Variants in TRIP12 observed in about 807,000 individuals in gnomAD.
TRIP12 encodes the protein thyroid hormone receptor interactor 12, also known as E3 ubiquitin-protein ligase TRIP12.
TRIP12 carries 25 observed loss-of-function variants against 244.2 expected under a neutral mutation model. The ratio of observed to expected loss-of-function variants is 0.10; its 90% CI spans 0.07 to 0.14. The LOEUF (loss-of-function observed/expected upper bound fraction) is 0.14. TRIP12 is among the 10% of genes least tolerant of loss of function. TRIP12 has a pLI of 1.00. For synonymous variants in TRIP12, 905 were observed against 873.1 expected (o/e 1.04, Z -0.64); for missense variants, 1,677 against 2,486.4 (o/e 0.67, Z 6.92).
chr2:229,795,431 T>C (rs2042572736), intron 25 of TRIP12, 101 bp from the exon 26 acceptor site: 3 of 1,349,592 alleles, frequency 2.2e-6, no homozygotes, highest in Non-Finnish European at 3.0e-6. Flanking sequence ...AGAGAATAAT[T>C]TGTCTATTCA....
chr2:229,864,033 AGAGAGAGAGAGAGAGTGT>A lies in TRIP12; in HGVS notation c.99-3520_99-3503del, dbSNP rs761386846. 1.6e-3 allele frequency among the ~76,000 whole-genome samples: 189 copies of A among 118,190 alleles called. 1 individual carries two copies. Among genetic ancestry groups the A allele is most frequent in the Middle Eastern group, 4.2e-3 (1 of 238 alleles). 77.5% of individuals were successfully genotyped at this position (118,190 alleles called of 152,430 possible). A position where few individuals can be genotyped will look rare whatever the true frequency, so the allele number is the denominator to read the frequency against. ...GAGAGAGAGAGAGAGAGAGAGAGAGAGAGAGAGAGAGAGAGTGTGTGTGTGTGTGTGTGTGTGTGTGTG... is the reference window on the plus strand; with the variant it reads ...GAGAGAGAGAGAGAGAGAGAGAGAGAGTGTGTGTGTGTGTGTGTGTGTGTG... On this transcript the variant is annotated intron_variant, in intron 2 of 41. Coordinates refer to ENST00000675903, the MANE Select transcript of TRIP12 (RefSeq NM_001348323.3).
chr2:229,819,546 A>AAATT (rs2049451456), intron 8 of TRIP12, among the ~76,000 whole-genome samples: 1 of 152,212 alleles, frequency 6.6e-6, no homozygotes. Context: ...CTTCATCTCA[A>AAATT]AATTAATTAA....
chr2:229,873,092 T>C (rs1234490603), intron 2 of TRIP12, among the ~76,000 whole-genome samples: 2 of 152,174 alleles, frequency 1.3e-5, no homozygotes, highest in Admixed American at 1.3e-4. Context: ...TTAAACCTAC[T>C]TTTTCAATGT....
intron 2 of TRIP12, among the ~76,000 whole-genome samples, chr2:229,879,069 G>A (rs924350831): frequency 6.0e-4 from 91 of 152,000 alleles, no homozygotes; most frequent in African/African-American, 2.0e-3. Flanking sequence ...CTTGGCCACC[G>A]TGGCAAAATC....
At chr2:229,883,229 A>G (rs2065237616) in intron 1 of TRIP12, among the ~76,000 whole-genome samples, 1 of 152,230 alleles carries the variant, frequency 6.6e-6, no homozygotes, top group Non-Finnish European at 1.5e-5. Context: ...GCAGTTCTAC[A>G]CACTTCATAG....
chr2:229,873,187 T>TA (rs2062990485), intron 2 of TRIP12, among the ~76,000 whole-genome samples: 1 of 151,724 alleles, frequency 6.6e-6, no homozygotes, highest in South Asian at 2.1e-4. Context: ...AAAATGGAGA[T>TA]AACGTGACTA....
intron 15 of TRIP12, among the ~76,000 whole-genome samples, chr2:229,808,651 T>A (rs1163441099): frequency 1.3e-5 from 2 of 152,204 alleles, no homozygotes; most frequent in Non-Finnish European, 2.9e-5. Flanking sequence ...CAGGAACCCT[T>A]TATTTCTTTC....
At chr2:229,864,084 G>A (rs533711689) in intron 2 of TRIP12, among the ~76,000 whole-genome samples, 17 of 148,714 alleles carry the variant, frequency 1.1e-4, no homozygotes, top group African/African-American at 2.5e-4. Flanking sequence ...GTGTGCACGC[G>A]CACACGTGCA....
In TRIP12 at chr2:229,764,326, A is replaced by G. The variant is rs1231232308; in HGVS notation, c.*3228T>C. On this transcript the variant is annotated 3_prime_UTR_variant, in exon 42 of 42. Transcript: ENST00000675903. ...CAAAAGCATTTCTCAGAGAATCATA[A>G]ATACAGAATATGACATTTCCAAACA... is the stretch of plus-strand genomic sequence containing the variant. 6.6e-6 allele frequency: 1 copy of G among 152,250 alleles called. No individual in the cohort carries two copies. Among genetic ancestry groups the G allele is most frequent in the African/African-American group, 2.4e-5 (1 of 41,466 alleles). 9.4% of individuals were successfully genotyped at this position (152,250 alleles called of 1,614,324 possible).
intron 1 of TRIP12, among the ~76,000 whole-genome samples, chr2:229,906,393 A>T (rs570944491): frequency 2.7e-4 from 41 of 151,820 alleles, no homozygotes; most frequent in East Asian, 5.8e-4. Context: ...TTTCTGAAAA[A>T]AAAAAAATAA....
chr2:229,779,027 A>G, intron 34 of TRIP12, 37 bp from the exon 35 acceptor site: 1 of 1,574,172 alleles, frequency 6.4e-7, no homozygotes, highest in Non-Finnish European at 8.7e-7. Flanking sequence ...TTCAAATTTT[A>G]AGAATTGTGT....
chr2:229,827,404 G>A (rs574230886), intron 8 of TRIP12, among the ~76,000 whole-genome samples: 2 of 152,138 alleles, frequency 1.3e-5, no homozygotes, highest in East Asian at 3.9e-4. Flanking sequence ...ATGAACAGCT[G>A]TACAAAAACA....
intron 27 of TRIP12, 54 bp downstream of exon 27, chr2:229,792,918 TA>T (rs1205274713): frequency 2.0e-5 from 30 of 1,535,402 alleles, no homozygotes; most frequent in Non-Finnish European, 3.5e-6. Flanking sequence ...ACTCTTAATG[TA>T]AATTTCTCCC....
chr2:229,878,784 A>T (rs186102406), intron 2 of TRIP12, among the ~76,000 whole-genome samples: 3 of 151,750 alleles, frequency 2.0e-5, no homozygotes, highest in Admixed American at 6.6e-5. Context: ...GGGTTTCACC[A>T]TGTTAGCCAG....
chr2:229,832,043 T>A (rs940156259), intron 6 of TRIP12, among the ~76,000 whole-genome samples: 16 of 152,236 alleles, frequency 1.1e-4, no homozygotes, highest in African/African-American at 3.9e-4. Flanking sequence ...ATATGCGAGT[T>A]TAAAGAGCTT....
rs1273994682 is a variant in TRIP12, at chr2:229,858,754, AC to A, written c.1027+17del. ...AAACTTTCTTTAATTAAAGAAAAAT[AC>A]CTTTTTGTAAACTTACTTGCTAATT... On this transcript the variant is annotated intron_variant, in intron 4 of 41. Transcript: ENST00000675903. The A allele has an allele frequency of 1.2e-5, 19 of 1,545,704 alleles. No individual in the cohort carries two copies. The highest frequency in any genetic ancestry group is 1.7e-5 in the Non-Finnish European group (19 of 1,146,854).
intron 1 of TRIP12, among the ~76,000 whole-genome samples, chr2:229,883,194 C>T (rs927225734): frequency 2.6e-5 from 4 of 152,158 alleles, no homozygotes; most frequent in African/African-American, 9.7e-5. Flanking sequence ...TGTTGAAGAA[C>T]CAGTCTTCTG....
intron 1 of TRIP12, among the ~76,000 whole-genome samples, chr2:229,913,948 A>C (rs560528435): frequency 6.6e-6 from 1 of 152,332 alleles, no homozygotes; most frequent in Admixed American, 6.5e-5. Context: ...TCACTGGAAG[A>C]AAGTTAAGTG....
chr2:229,769,792 G>A (rs1473618693), intron 39 of TRIP12, among the ~76,000 whole-genome samples: 1 of 152,106 alleles, frequency 6.6e-6, no homozygotes, highest in African/African-American at 2.4e-5. Flanking sequence ...ACAGCAAATG[G>A]GTAGGTCTTT....
Sources: allele counts gnomAD v4.1 joint callset (sites outside exome capture counted in the v4.1 genomes callset), GRCh38; gene constraint gnomAD v4.1.1; transcripts MANE v1.5; gene names NCBI Gene and HGNC (gene_info 2026-07-23, HGNC 2026-07-21).